The following DNAJC17 variants were observed in gnomAD, a reference collection of about 807,000 sequenced individuals.
DNAJC17 encodes the protein dnaJ homolog subfamily C member 17.
Under a neutral mutation model 48.1 loss-of-function variants are expected in DNAJC17, and 35 were observed. That is an observed-to-expected ratio of 0.73 (90% CI 0.56 to 0.96). DNAJC17 has a LOEUF of 0.96. Among genes scored for constraint, DNAJC17 ranks in the 50% least tolerant of loss-of-function variants. DNAJC17 has a pLI of 0.00. For synonymous variants in DNAJC17, 117 were observed against 142.7 expected (o/e 0.82, Z 1.28); for missense variants, 355 against 377.1 (o/e 0.94, Z 0.48).
At chr15:40,768,810 C>T (rs368132067) in intron 10 of DNAJC17, among the ~76,000 whole-genome samples, 3 of 152,216 alleles carry the variant, frequency 2.0e-5, no homozygotes, top group South Asian at 2.1e-4. Flanking sequence ...CCCTCGGTGC[C>T]GCTTAGGCTG....
Position 40,768,023 on chromosome 15 carries a change from TGACGAG to T in DNAJC17, c.826_831del (p.Leu276_Val277del). 6.3e-7 allele frequency: 1 copy of T among 1,598,504 alleles called. No individual in the cohort carries two copies. The highest frequency in any genetic ancestry group is 8.5e-7 in the Non-Finnish European group (1 of 1,174,610). ...TCGGCCGCCTGGCGCATGCGCATCATGACGAGGCTCTCGTAGTCCCTCTCTGACAGC... is the reference window on the plus strand; with the variant it reads ...TCGGCCGCCTGGCGCATGCGCATCATGCTCTCGTAGTCCCTCTCTGACAGC... On this transcript the variant is annotated inframe_deletion, in exon 11 of 11. Coordinates refer to ENST00000220496, the MANE Select transcript of DNAJC17 (RefSeq NM_018163.3).
chr15:40,781,749 G>A lies in DNAJC17; in HGVS notation c.79-1752C>T, dbSNP rs191884224. 4.3e-3 allele frequency among the ~76,000 whole-genome samples: 647 copies of A among 150,348 alleles called. 7 individuals are homozygous for A. Among genetic ancestry groups the A allele is most frequent in the African/African-American group, 0.015 (626 of 40,832 alleles). ...ATCCCGGCTAACACGGTGAAACCCCGTCTCTACTAAAAATACAAAAAAATT... is the reference window on the plus strand; with the variant it reads ...ATCCCGGCTAACACGGTGAAACCCCATCTCTACTAAAAATACAAAAAAATT... On this transcript the variant is annotated intron_variant, in intron 1 of 10. Coordinates refer to ENST00000220496, the MANE Select transcript of DNAJC17 (RefSeq NM_018163.3).
Position 40,775,394 on chromosome 15 carries a change from T to A in DNAJC17, c.522+159A>T, listed in dbSNP as rs1348538606. 12 of 872,472 alleles carry A rather than the reference T, an allele frequency of 1.4e-5. No homozygotes were observed. The East Asian group carries it at 2.7e-4, about 19-fold the overall frequency. The allele number at this position is 872,472 out of a possible 1,614,324, so 54.0% of individuals were successfully genotyped here. ...AGCAGCCTTTCGTGGCAAGCTCTGA[T>A]CTCCGGGCGGCTGGAGCATGGAGGG... On this transcript the variant is annotated intron_variant, in intron 7 of 10. Transcript: ENST00000220496.
intron 5 of DNAJC17, 31 bp downstream of exon 5, chr15:40,776,510 TG>T: frequency 6.2e-7 from 1 of 1,612,590 alleles, no homozygotes; most frequent in Non-Finnish European, 8.5e-7. Flanking sequence ...CTCCTGCAGG[TG>T]GCCTTCTGGC....
Position 40,767,009 on chromosome 15 carries a change from C to T in DNAJC17, c.*931G>A, listed in dbSNP as rs759067779. 2 of 400,050 alleles carry T rather than the reference C, an allele frequency of 5.0e-6. No individual in the cohort carries two copies. The highest frequency in any genetic ancestry group is 3.8e-5 in the East Asian group (1 of 26,344). 24.8% of individuals were successfully genotyped at this position (400,050 alleles called of 1,614,324 possible). A position where few individuals can be genotyped will look rare whatever the true frequency, so the allele number is the denominator to read the frequency against. ...CATCTATCAATGGCCACAACAGTGG[C>T]ACCTTCACTAGCTTGTTGGGAAGAA... is the stretch of plus-strand genomic sequence containing the variant. On this transcript the variant is annotated 3_prime_UTR_variant, in exon 11 of 11. Coordinates refer to ENST00000220496, the MANE Select transcript of DNAJC17 (RefSeq NM_018163.3).
chr15:40,802,220 G>T (rs1418278253), intron 1 of DNAJC17, among the ~76,000 whole-genome samples: 2 of 151,264 alleles, frequency 1.3e-5, no homozygotes, highest in Non-Finnish European at 2.9e-5. Context: ...ACCCAGGCTG[G>T]AGTGCAGTGG....
chr15:40,796,122 T>C (rs960287010), intron 1 of DNAJC17, among the ~76,000 whole-genome samples: 2 of 152,226 alleles, frequency 1.3e-5, no homozygotes, highest in Non-Finnish European at 2.9e-5. Flanking sequence ...CATCATAAAA[T>C]ATTACTGCCC....
intron 10 of DNAJC17, among the ~76,000 whole-genome samples, chr15:40,768,287 C>A (rs1256080789): frequency 1.3e-5 from 2 of 152,224 alleles, no homozygotes; most frequent in Admixed American, 6.5e-5. Context: ...CCAGCTCCCC[C>A]TCCCTTTCCC....
chr15:40,766,236 G>T lies in DNAJC17; in HGVS notation c.*1704C>A, dbSNP rs1459630884. 2 of 214,636 alleles carry T rather than the reference G, an allele frequency of 9.3e-6. No individual in the cohort carries two copies. The highest frequency in any genetic ancestry group is 1.8e-5 in the Non-Finnish European group (2 of 109,274). 13.3% of individuals were successfully genotyped at this position (214,636 alleles called of 1,614,324 possible). ...CTCTCCTAAGCTGGACCCCATCAAG[G>T]ACAGACAGGCACAGAGAGAAAGGTT... On this transcript the variant is annotated 3_prime_UTR_variant, in exon 11 of 11. Transcript: ENST00000220496.
chr15:40,774,963 G>A, intron 8 of DNAJC17, 68 bp downstream of exon 8: 2 of 1,529,394 alleles, frequency 1.3e-6, no homozygotes, highest in Non-Finnish European at 1.8e-6. Context: ...ATTGAGAGCA[G>A]AGACCTAGGG....
chr15:40,804,851 A>C (rs1214568157), intron 1 of DNAJC17, among the ~76,000 whole-genome samples: 1 of 151,962 alleles, frequency 6.6e-6, no homozygotes, highest in Non-Finnish European at 1.5e-5. Flanking sequence ...AAAACACAAA[A>C]ATTAGCTGGG....
Position 40,769,623 on chromosome 15 carries a change from A to G in DNAJC17, c.793-1561T>C, listed in dbSNP as rs1162362472. Among the ~76,000 whole-genome samples the G allele has an allele frequency of 6.6e-6, 1 of 152,074 alleles. No homozygotes were observed. The highest frequency in any genetic ancestry group is 1.5e-5 in the Non-Finnish European group (1 of 68,004). On this transcript the variant is annotated intron_variant, in intron 10 of 10. Coordinates refer to ENST00000220496, the MANE Select transcript of DNAJC17 (RefSeq NM_018163.3). The surrounding 1 kb of genome is among the most constrained non-coding windows in gnomAD (Gnocchi z 4.2). ...CTGACAGCGGGGCTGAGTCACCCAT[A>G]CCAGCTACAGGTCTCTTCCTTCCCC...
intron 5 of DNAJC17, 121 bp downstream of exon 5, chr15:40,776,421 C>T: frequency 2.1e-6 from 3 of 1,463,152 alleles, no homozygotes; most frequent in Non-Finnish European, 2.9e-6. Context: ...GGACAAATCA[C>T]CCAGCTCCCA....
chr15:40,802,483 G>A (rs1890100667), intron 1 of DNAJC17, among the ~76,000 whole-genome samples: 1 of 152,118 alleles, frequency 6.6e-6, no homozygotes, highest in African/African-American at 2.4e-5. Context: ...TTTGGATGTA[G>A]TAAGATTTAG....
At position 40,769,823 on chromosome 15, in the gene DNAJC17, TC is replaced by T. The variant is rs1889076041; in HGVS notation, c.793-1762del. On this transcript the variant is annotated intron_variant, in intron 10 of 10. Coordinates refer to ENST00000220496, the MANE Select transcript of DNAJC17 (RefSeq NM_018163.3). This position sits in a 1 kb window ranked among gnomAD's most constrained non-coding sequence, Gnocchi z 4.2. ...TAAAGCAGGGCTGCCCCCACACGAG[TC>T]CCCAGAGGAATCTTAAGCTCCCCAT... 1 of 151,792 alleles carries T rather than the reference TC, an allele frequency of 6.6e-6. No homozygotes were observed. Among genetic ancestry groups the T allele is most frequent in the Admixed American group, 6.6e-5 (1 of 15,252 alleles). The allele number at this position is 151,792 out of a possible 1,614,324, so 9.4% of individuals were successfully genotyped here.
Position 40,770,786 on chromosome 15 carries a change from G to GC in DNAJC17, c.793-2725dup, listed in dbSNP as rs1228126112. 10 of 1,547,872 alleles carry GC rather than the reference G, an allele frequency of 6.5e-6. No homozygotes were observed. Among genetic ancestry groups the GC allele is most frequent in the African/African-American group, 1.4e-5 (1 of 72,968 alleles). The stretch of plus-strand genomic sequence containing the variant: ...GCTCAAGCTGCCCCAACATCCTGGA[G>GC]CCCCCACCTGCCTACACAGCAGCCT... On this transcript the variant is annotated intron_variant, in intron 10 of 10. Coordinates refer to ENST00000220496, the MANE Select transcript of DNAJC17 (RefSeq NM_018163.3). The surrounding 1 kb of genome is among the most constrained non-coding windows in gnomAD (Gnocchi z 5.0).
intron 9 of DNAJC17, 90 bp downstream of exon 9, chr15:40,774,266 G>T: frequency 6.9e-7 from 1 of 1,441,854 alleles, no homozygotes. Flanking sequence ...TAGGAGTGCA[G>T]ACCACCTAAC....
At chr15:40,772,736 G>A (rs28718778) in intron 10 of DNAJC17, among the ~76,000 whole-genome samples, 5,944 of 152,322 alleles carry the variant, frequency 0.039, 394 homozygotes, top group African/African-American at 0.14. Context: ...GAAGAACCAG[G>A]TTGCTAGATC....
In DNAJC17 at chr15:40,770,653, G is replaced by A. The variant is rs1889106258; in HGVS notation, c.793-2591C>T. On this transcript the variant is annotated intron_variant, in intron 10 of 10. Coordinates refer to ENST00000220496, the MANE Select transcript of DNAJC17 (RefSeq NM_018163.3). This position sits in a 1 kb window ranked among gnomAD's most constrained non-coding sequence, Gnocchi z 5.0. Reference sequence around the variant, plus strand: ...GAGTACAGCAACCGAGAAGTCATCCGGGAGCTACAAGGGAGGCCAGATGGC... The same window carrying A: ...GAGTACAGCAACCGAGAAGTCATCCAGGAGCTACAAGGGAGGCCAGATGGC... 4 of 1,549,976 alleles carry A rather than the reference G, an allele frequency of 2.6e-6. No individual in the cohort carries two copies. Among genetic ancestry groups the A allele is most frequent in the South Asian group, 1.2e-5 (1 of 84,064 alleles).
Sources: allele counts gnomAD v4.1 joint callset (sites outside exome capture counted in the v4.1 genomes callset), GRCh38; gene constraint gnomAD v4.1.1; non-coding constraint Gnocchi (gnomAD v3.1); transcripts MANE v1.5; gene names NCBI Gene and HGNC (gene_info 2026-07-23, HGNC 2026-07-21).